The following ERC2 variants were observed in gnomAD, a reference collection of about 807,000 sequenced individuals.
ERC2 encodes the protein ERC protein 2.
A neutral mutation model predicts 114.8 loss-of-function variants in ERC2; 42 were observed. The observed-to-expected ratio is 0.37, with a 90% CI of 0.29 to 0.47. ERC2 has a LOEUF of 0.47. Ranked by LOEUF, ERC2 falls within the 20% of genes least tolerant of loss-of-function variation. The probability of loss-of-function intolerance (pLI) is 0.99; values close to 1 mark genes in which losing one functional copy is unlikely to be tolerated. For missense variants in ERC2, 939 were observed against 1,150.7 expected (o/e 0.82, Z 2.66); for synonymous variants, 454 against 425.5 (o/e 1.07, Z -0.82).
At chr3:55,736,880 T>C (rs1421521623) in intron 14 of ERC2, among the ~76,000 whole-genome samples, 1 of 152,194 alleles carries the variant, frequency 6.6e-6, no homozygotes, top group Non-Finnish European at 1.5e-5. Context: ...TTTTCTGGGA[T>C]GATTTTTGCG....
At chr3:56,380,296 G>A (rs2059700041) in intron 2 of ERC2, among the ~76,000 whole-genome samples, 3 of 152,114 alleles carry the variant, frequency 2.0e-5, no homozygotes, top group African/African-American at 7.2e-5. Flanking sequence ...GAAAGAGCTA[G>A]ACAAATCCAA....
At chr3:56,060,790 C>A (rs2076213386) in intron 7 of ERC2, among the ~76,000 whole-genome samples, 1 of 152,314 alleles carries the variant, frequency 6.6e-6, no homozygotes, top group Non-Finnish European at 1.5e-5. Context: ...GTGCTCAGGG[C>A]CAATTCTCAT....
At chr3:56,073,577 C>T (rs558317731) in intron 7 of ERC2, among the ~76,000 whole-genome samples, 1 of 152,272 alleles carries the variant, frequency 6.6e-6, no homozygotes, top group South Asian at 2.1e-4. Context: ...TAGTTCCTGG[C>T]TTCAGATGCA....
Position 56,158,226 on chromosome 3 carries a change from G to A in ERC2, c.1150-9094C>T, listed in dbSNP as rs193086838. Reference sequence around the variant, plus strand: ...TGTCAGATAAGAAGAGTGAGAGCCAGTGGGGACAAGTGACTTGCCAAATGC... The same window carrying A: ...TGTCAGATAAGAAGAGTGAGAGCCAATGGGGACAAGTGACTTGCCAAATGC... On this transcript the variant is annotated intron_variant, in intron 4 of 17. Transcript: ENST00000288221. 1.4e-3 allele frequency among the ~76,000 whole-genome samples: 206 copies of A among 152,318 alleles called. 2 individuals carry two copies. The highest frequency in any genetic ancestry group is 0.012 in the Admixed American group (176 of 15,294).
At chr3:55,840,869 T>C (rs556207424) in intron 14 of ERC2, among the ~76,000 whole-genome samples, 3 of 152,212 alleles carry the variant, frequency 2.0e-5, no homozygotes, top group Non-Finnish European at 4.4e-5. Flanking sequence ...CATTGACGAT[T>C]CCATTTACGT....
intron 17 of ERC2, among the ~76,000 whole-genome samples, chr3:55,526,590 G>A (rs1309082279): frequency 6.6e-6 from 1 of 152,214 alleles, no homozygotes; most frequent in East Asian, 1.9e-4. Flanking sequence ...ACAGGCAACA[G>A]TTGTGTTTGC....
chr3:56,213,350 G>C (rs1035825402), intron 3 of ERC2, among the ~76,000 whole-genome samples: 6 of 152,166 alleles, frequency 3.9e-5, no homozygotes, highest in African/African-American at 1.4e-4. Context: ...CTTAGCAAAC[G>C]GCACACCAGG....
intron 15 of ERC2, among the ~76,000 whole-genome samples, chr3:55,700,304 G>A (rs1237681253): frequency 6.6e-6 from 1 of 152,158 alleles, no homozygotes; most frequent in Non-Finnish European, 1.5e-5. Flanking sequence ...AAGACCACGG[G>A]AAAAAAGCAG....
rs2063403590 is a variant in ERC2 at position 56,463,366 on chromosome 3, CGT to C, written c.-141+4880_-141+4881del. Among the ~76,000 whole-genome samples, 11 of 152,360 alleles carry C rather than the reference CGT, an allele frequency of 7.2e-5. No homozygotes were observed. The South Asian group carries it at 2.3e-3, about 32-fold the overall frequency. ...AAAAGTTCTTGGAGTATACCACCCA[CGT>C]GTGTCTCACTCACTACATTTTCAGG... On this transcript the variant is annotated intron_variant, in intron 1 of 17. Transcript: ENST00000288221.
intron 1 of ERC2, among the ~76,000 whole-genome samples, chr3:56,464,865 G>A (rs568438745): frequency 3.2e-4 from 49 of 151,164 alleles, no homozygotes; most frequent in South Asian, 1.7e-3. Flanking sequence ...ACTGGTTAGA[G>A]GATTTTAAAA....
chr3:55,640,461 C>T (rs2060130503), intron 17 of ERC2, among the ~76,000 whole-genome samples: 1 of 152,182 alleles, frequency 6.6e-6, no homozygotes, highest in South Asian at 2.1e-4. Flanking sequence ...AGTTAGGACT[C>T]CTGCTTCAGG....
intron 17 of ERC2, among the ~76,000 whole-genome samples, chr3:55,533,448 A>G (rs1414842688): frequency 6.6e-6 from 1 of 152,214 alleles, no homozygotes; most frequent in Non-Finnish European, 1.5e-5. Context: ...GCTTGACACT[A>G]AGCACACAGC....
intron 17 of ERC2, among the ~76,000 whole-genome samples, chr3:55,587,695 G>A (rs988301074): frequency 2.0e-4 from 31 of 152,246 alleles, no homozygotes; most frequent in Admixed American, 1.9e-3. Flanking sequence ...TGAGGGCAAT[G>A]CACTTTCTGT....
At chr3:56,094,948 C>A (rs1030061304) in intron 6 of ERC2, among the ~76,000 whole-genome samples, 2 of 152,090 alleles carry the variant, frequency 1.3e-5, no homozygotes, top group Non-Finnish European at 2.9e-5. Context: ...AAAATTAAAT[C>A]ATAAAAGTGC....
chr3:55,635,257 A>G (rs2059913546), intron 17 of ERC2, among the ~76,000 whole-genome samples: 1 of 152,142 alleles, frequency 6.6e-6, no homozygotes, highest in Non-Finnish European at 1.5e-5. Flanking sequence ...TTTTAAAGGT[A>G]TGCGAATATT....
At chr3:56,017,167 C>T (rs1030872560) in intron 8 of ERC2, among the ~76,000 whole-genome samples, 1 of 152,088 alleles carries the variant, frequency 6.6e-6, no homozygotes, top group Admixed American at 6.5e-5. Flanking sequence ...ACAAGCCGTC[C>T]CTCCTGAGAA....
In ERC2 at chr3:55,955,248, T is replaced by TTGTGTGTG. The variant is rs60633794; in HGVS notation, c.2268-4696_2268-4689dup. On this transcript the variant is annotated intron_variant, in intron 12 of 17. Coordinates refer to ENST00000288221, the MANE Select transcript of ERC2 (RefSeq NM_015576.3). ...CAATTTATACTGTATGGTGGTGTGTTTGTGTGTGTGTGTGTGTGTGTGTGT... is the reference window on the plus strand; with the variant it reads ...CAATTTATACTGTATGGTGGTGTGTTTGTGTGTGTGTGTGTGTGTGTGTGTGTGTGTGT... 4.6e-3 allele frequency: 1,645 copies of TTGTGTGTG among 360,716 alleles called. 12 individuals are homozygous for TTGTGTGTG. The highest frequency in any genetic ancestry group is 0.014 in the African/African-American group (658 of 46,300). The allele number at this position is 360,716 out of a possible 1,614,324, so 22.3% of individuals were successfully genotyped here.
intron 3 of ERC2, among the ~76,000 whole-genome samples, chr3:56,231,033 T>C (rs894083659): frequency 6.6e-6 from 1 of 152,266 alleles, no homozygotes; most frequent in East Asian, 1.9e-4. Flanking sequence ...AAGTAGGAAC[T>C]ATTATTACTC....
At chr3:56,084,175 C>G (rs546364050) in intron 6 of ERC2, among the ~76,000 whole-genome samples, 3 of 152,200 alleles carry the variant, frequency 2.0e-5, no homozygotes, top group African/African-American at 7.2e-5. Flanking sequence ...ACCACCTTAT[C>G]CCAACCAGAA....
Sources: gnomAD v4.1 joint callset for allele counts (sites outside exome capture counted in the v4.1 genomes callset) on GRCh38, gnomAD v4.1.1 for gene constraint, MANE v1.5 for transcripts, NCBI Gene and HGNC (gene_info 2026-07-23, HGNC 2026-07-21) for gene names.